Variants in ZC3H6 observed in about 807,000 individuals in gnomAD.
ZC3H6 encodes the protein zinc finger CCCH-type containing 6, also known as zinc finger CCCH domain-containing protein 6.
A neutral mutation model predicts 107.7 loss-of-function variants in ZC3H6; 40 were observed. The observed-to-expected ratio is 0.37, with a 90% confidence interval of 0.29 to 0.48. The LOEUF (loss-of-function observed/expected upper bound fraction) is 0.48, where lower values mean the gene tolerates loss of function less well. Among genes scored for constraint, ZC3H6 ranks in the 20% least tolerant of loss-of-function variants. The pLI is 0.98. For synonymous variants in ZC3H6, 493 were observed against 487.9 expected, an observed-to-expected ratio of 1.01 and a Z score of -0.14; for missense variants, 1,267 against 1,410.4, an observed-to-expected ratio of 0.90 and a Z score of 1.63.
chr2:112,311,849 G>C lies in ZC3H6; in HGVS notation c.659G>C (p.Gly220Ala). 1.2e-6 allele frequency: 2 copies of C among 1,613,436 alleles called. No individual in the cohort carries two copies. Among genetic ancestry groups the C allele is most frequent in the Non-Finnish European group, 1.7e-6 (2 of 1,179,586 alleles). The stretch of plus-strand genomic sequence containing the variant: ...AGTTTTAATGTTGGTCGTGGACGTG[G>C]CTTGCCGAAGAAAATCAAACGAAAA... The part of the protein sequence containing the change: ...VKSFNVGRGR[G>A]LPKKIKRKER... Residue 220 changes from glycine to alanine, a missense_variant, in exon 5 of 12, where the codon GGC becomes GCC. This residue lies in a region of ZC3H6 where 337 missense variants were observed against 361.2 expected (regional missense o/e 0.93). Coordinates refer to ENST00000409871, the MANE Select transcript of ZC3H6 (RefSeq NM_198581.3).
chr2:112,331,690 T>C lies in ZC3H6; in HGVS notation c.2772T>C (p.Asn924=), dbSNP rs7601200. The C allele has an allele frequency of 0.55, 895,281 of 1,613,616 alleles. 255,934 individuals are homozygous for C. Among genetic ancestry groups the C allele is most frequent in the African/African-American group, 0.91 (68,345 of 74,978 alleles). The change falls in exon 12 of 12, where the codon AAT becomes AAC. Residue 924 remains asparagine, a synonymous_variant. Transcript: ENST00000409871. The part of the protein sequence containing the change: ...LWNTKSDLHQ[N]TVSIDPKLAA... ...ATACAAAAAGTGATCTTCATCAAAA[T>C]ACAGTGTCCATTGATCCAAAATTAG...
At chr2:112,330,919 GAAT>G (rs1573967149) in intron 11 of ZC3H6, 83 bp from the exon 12 acceptor site, 2 of 566,646 alleles carry the variant, frequency 3.5e-6, no homozygotes, top group Non-Finnish European at 2.4e-6. Flanking sequence ...ATATTATAAA[GAAT>G]AATTTATAAT....
intron 3 of ZC3H6, among the ~76,000 whole-genome samples, chr2:112,307,365 G>A (rs1573956842): frequency 1.3e-5 from 2 of 152,076 alleles, no homozygotes; most frequent in East Asian, 3.9e-4. Context: ...ATTGCTGTGG[G>A]GCTTGTTTTT....
intron 1 of ZC3H6, among the ~76,000 whole-genome samples, chr2:112,285,693 G>A (rs1686594535): frequency 6.6e-6 from 1 of 152,128 alleles, no homozygotes; most frequent in Non-Finnish European, 1.5e-5. Flanking sequence ...GCCGTGTGTG[G>A]TGGCTCACGC....
Position 112,331,134 on chromosome 2 carries a change from C to T in ZC3H6, c.2216C>T (p.Thr739Ile). 6.2e-6 allele frequency: 10 copies of T among 1,613,666 alleles called. No homozygotes were observed. The highest frequency in any genetic ancestry group is 1.1e-5 in the South Asian group (1 of 91,006). The change falls in exon 12 of 12, where the codon ACT becomes ATT. Residue 739 changes from threonine to isoleucine, a missense_variant. Physicochemically the swap from Thr to Ile is moderately conservative, Grantham distance 89. Transcript: ENST00000409871. ...CAACAACCTTCCACAGAACTCAGCA[C>T]TCCTACTGATCCAAGACTTGCTAAA... ...NQQQPSTELS[T>I]PTDPRLAKEK...
At position 112,334,076 on chromosome 2, in the gene ZC3H6, T is replaced by C. The variant is rs1677093439; in HGVS notation, c.*1588T>C. The C allele has an allele frequency of 6.6e-6, 1 of 152,104 alleles. No homozygotes were observed. The highest frequency in any genetic ancestry group is 1.5e-5 in the Non-Finnish European group (1 of 67,976). 9.4% of individuals were successfully genotyped at this position (152,104 alleles called of 1,614,324 possible). On this transcript the variant is annotated 3_prime_UTR_variant, in exon 12 of 12. Coordinates refer to ENST00000409871, the MANE Select transcript of ZC3H6 (RefSeq NM_198581.3). The stretch of plus-strand genomic sequence containing the variant: ...GGAAGGAGAGTTACTGAAGGGAATG[T>C]GAATTTTTACCGTTTGTACTTAAGA...
chr2:112,297,109 CA>C (rs1254674638), intron 1 of ZC3H6, among the ~76,000 whole-genome samples: 2 of 152,116 alleles, frequency 1.3e-5, no homozygotes, highest in African/African-American at 4.8e-5. Flanking sequence ...GCTGGGTGAG[CA>C]GAGGGAACCA....
At chr2:112,324,101 TG>T in intron 9 of ZC3H6, 50 bp from the exon 10 acceptor site, 1 of 1,504,210 alleles carries the variant, frequency 6.6e-7, no homozygotes, top group Non-Finnish European at 8.9e-7. Context: ...TTAACATTCT[TG>T]TTTGTTTCTT....
chr2:112,300,042 C>G lies in ZC3H6; in HGVS notation c.213+13C>G. Reference sequence around the variant, plus strand: ...TGAGAAACATAAGGTTAGTTAGAATCTACTTTTTATTCTTTTGATAAATGT... The same window carrying G: ...TGAGAAACATAAGGTTAGTTAGAATGTACTTTTTATTCTTTTGATAAATGT... On this transcript the variant is annotated intron_variant, in intron 2 of 11. Transcript: ENST00000409871. 1.5e-6 allele frequency: 2 copies of G among 1,358,058 alleles called. No homozygotes were observed. The highest frequency in any genetic ancestry group is 1.9e-6 in the Non-Finnish European group (2 of 1,043,814). 84.1% of individuals were successfully genotyped at this position (1,358,058 alleles called of 1,614,324 possible). A position where few individuals can be genotyped will look rare whatever the true frequency, so the allele number is the denominator to read the frequency against.
At chr2:112,309,116 G>T (rs1262585584) in intron 3 of ZC3H6, among the ~76,000 whole-genome samples, 1 of 152,110 alleles carries the variant, frequency 6.6e-6, no homozygotes, top group Non-Finnish European at 1.5e-5. Flanking sequence ...GTTTGGATTT[G>T]TCTAGATCCT....
rs912261889 is a variant in ZC3H6, at chr2:112,339,740, C to T, written c.*7252C>T. 3 of 151,610 alleles carry T rather than the reference C, an allele frequency of 2.0e-5. No homozygotes were observed. Among genetic ancestry groups the T allele is most frequent in the Non-Finnish European group, 2.9e-5 (2 of 67,964 alleles). The allele number at this position is 151,610 out of a possible 1,614,324, so 9.4% of individuals were successfully genotyped here. On this transcript the variant is annotated 3_prime_UTR_variant, in exon 12 of 12. Coordinates refer to ENST00000409871, the MANE Select transcript of ZC3H6 (RefSeq NM_198581.3). ...ACTTTCTACTGTAATTATTTCAGTT[C>T]CCCGAAGTTGTATCTCAAATGTTGG...
At chr2:112,290,065 G>C (rs552659858) in intron 1 of ZC3H6, among the ~76,000 whole-genome samples, 2 of 152,192 alleles carry the variant, frequency 1.3e-5, no homozygotes, top group South Asian at 2.1e-4. Context: ...ACAATAAAAA[G>C]TTTGGACTAA....
At chr2:112,322,080 TTTTC>T (rs1676811618) in intron 8 of ZC3H6, among the ~76,000 whole-genome samples, 1 of 151,824 alleles carries the variant, frequency 6.6e-6, no homozygotes, top group African/African-American at 2.4e-5. Context: ...CAACTTTTTT[TTTTC>T]TTTCTCTCCC....
At chr2:112,299,672 A>C (rs1337708038) in intron 1 of ZC3H6, among the ~76,000 whole-genome samples, 177 bp from the exon 2 acceptor site, 1 of 152,230 alleles carries the variant, frequency 6.6e-6, no homozygotes, top group Non-Finnish European at 1.5e-5. Context: ...AACAGAAACC[A>C]TATATGGCCT....
In ZC3H6 at chr2:112,338,530, C is replaced by G. The variant is rs911950209; in HGVS notation, c.*6042C>G. The G allele has an allele frequency of 6.6e-6, 1 of 152,004 alleles. No individual in the cohort carries two copies. The highest frequency in any genetic ancestry group is 6.6e-5 in the Admixed American group (1 of 15,258). 9.4% of individuals were successfully genotyped at this position (152,004 alleles called of 1,614,324 possible). A position where few individuals can be genotyped will look rare whatever the true frequency, so the allele number is the denominator to read the frequency against. On this transcript the variant is annotated 3_prime_UTR_variant, in exon 12 of 12. Coordinates refer to ENST00000409871, the MANE Select transcript of ZC3H6 (RefSeq NM_198581.3). ...ATAGTATTTTACAGCGTTGTTTATT[C>G]TTGACCTTCTTGTTTTTTAAGCTTA...
intron 5 of ZC3H6, among the ~76,000 whole-genome samples, chr2:112,315,995 A>T (rs887353315): frequency 1.3e-5 from 2 of 152,152 alleles, no homozygotes; most frequent in Admixed American, 1.3e-4. Flanking sequence ...AAATGTGTAG[A>T]GTGTTTCTCG....
At chr2:112,285,252 A>G (rs1686585838) in intron 1 of ZC3H6, among the ~76,000 whole-genome samples, 1 of 152,168 alleles carries the variant, frequency 6.6e-6, no homozygotes, top group African/African-American at 2.4e-5. Flanking sequence ...TTTATACTTC[A>G]TCTAATTGAG....
At position 112,275,988 on chromosome 2, in the gene ZC3H6, A is replaced by G; in HGVS notation, c.-7A>G. 6.5e-7 allele frequency: 1 copy of G among 1,536,282 alleles called. No homozygotes were observed. The highest frequency in any genetic ancestry group is 2.0e-5 in the Admixed American group (1 of 49,630). On this transcript the variant is annotated 5_prime_UTR_variant, in exon 1 of 12. Coordinates refer to ENST00000409871, the MANE Select transcript of ZC3H6 (RefSeq NM_198581.3). ...GCCCTCCAGCCCCGCCCCGTTCTTG[A>G]CCAAACATGACAGACTCTGAACATG...
At chr2:112,317,735 G>A (rs545707345) in intron 7 of ZC3H6, among the ~76,000 whole-genome samples, 6 of 152,244 alleles carry the variant, frequency 3.9e-5, no homozygotes, top group Non-Finnish European at 7.4e-5. Flanking sequence ...GATAGATGCT[G>A]TATATTCTTC....
Sources: allele counts gnomAD v4.1 joint callset (sites outside exome capture counted in the v4.1 genomes callset), GRCh38; gene constraint gnomAD v4.1.1; regional missense constraint gnomAD v4.1.1; transcripts MANE v1.5; gene names NCBI Gene and HGNC (gene_info 2026-07-23, HGNC 2026-07-21).